RIMS2: variants seen among roughly 807,000 people sequenced by gnomAD.
RIMS2 encodes regulating synaptic membrane exocytosis protein 2.
A neutral mutation model predicts 174.4 loss-of-function variants in RIMS2; 59 were observed. The observed-to-expected ratio is 0.34, with a 90% CI of 0.27 to 0.42. The LOEUF (loss-of-function observed/expected upper bound fraction) is 0.42, where lower values mean the gene tolerates loss of function less well. Ranked by LOEUF, RIMS2 falls within the 10% of genes least tolerant of loss-of-function variation. RIMS2 has a pLI of 1.00. For synonymous variants in RIMS2, 606 were observed against 572.5 expected (o/e 1.06, Z -0.84); for missense variants, 1,620 against 1,666.3 (o/e 0.97, Z 0.48).
At chr8:103,608,964 C>T (rs6990739) in intron 1 of RIMS2, among the ~76,000 whole-genome samples, 26,757 of 152,182 alleles carry the variant, frequency 0.18, 2,553 homozygotes, top group African/African-American at 0.23. Context: ...GCGTTGCTCA[C>T]GCTGGGAGCT....
chr8:103,782,028 A>C, intron 3 of RIMS2, among the ~76,000 whole-genome samples: 1 of 151,614 alleles, frequency 6.6e-6, no homozygotes, highest in South Asian at 2.1e-4. Flanking sequence ...GATTAAAAGC[A>C]TGAGCCACCA....
Position 103,608,285 on chromosome 8 carries a change from G to T in RIMS2, c.177-88801G>T, listed in dbSNP as rs530966946. On this transcript the variant is annotated intron_variant, in intron 1 of 23. Coordinates refer to ENST00000504942, the Ensembl canonical transcript of RIMS2. The stretch of plus-strand genomic sequence containing the variant: ...GTGAGGTGTCAATCTGCCCCTGCTG[G>T]GGGGTGCCTCCCAGTTAGGCTGCTC... Among the ~76,000 whole-genome samples the T allele has an allele frequency of 1.0e-4, 15 of 143,492 alleles. No homozygotes were observed. In the East Asian group the frequency reaches 2.7e-3, roughly 26 times the overall value. The allele number at this position is 143,492 out of a possible 152,430, so 94.1% of individuals were successfully genotyped here.
At chr8:104,072,201 T>TA (rs1385132912) in intron 19 of RIMS2, among the ~76,000 whole-genome samples, 1 of 152,192 alleles carries the variant, frequency 6.6e-6, no homozygotes, top group Non-Finnish European at 1.5e-5. Context: ...AAGAGAAAGT[T>TA]ACAGAGGAAT....
chr8:103,630,186 G>T (rs2095877471), intron 1 of RIMS2, among the ~76,000 whole-genome samples: 1 of 151,204 alleles, frequency 6.6e-6, no homozygotes, highest in South Asian at 2.1e-4. Context: ...AGAAAGAAAT[G>T]ATGCCTAACA....
chr8:103,843,785 T>TAA (rs898695960), intron 3 of RIMS2, among the ~76,000 whole-genome samples: 14 of 152,240 alleles, frequency 9.2e-5, no homozygotes, highest in African/African-American at 3.4e-4. Flanking sequence ...TTGTCTTTTT[T>TAA]ATCGTCTTTT....
At chr8:104,115,507 A>ATT (rs927243993) in intron 19 of RIMS2, among the ~76,000 whole-genome samples, 8 of 152,282 alleles carry the variant, frequency 5.3e-5, no homozygotes, top group African/African-American at 1.7e-4. Context: ...ACTGACTAGA[A>ATT]TTTTTATTAA....
chr8:103,749,429 A>G (rs2097859164), intron 2 of RIMS2, among the ~76,000 whole-genome samples: 1 of 152,154 alleles, frequency 6.6e-6, no homozygotes, highest in African/African-American at 2.4e-5. Flanking sequence ...ATTTTAAGAA[A>G]AACTAAACTC....
intron 19 of RIMS2, among the ~76,000 whole-genome samples, chr8:104,235,696 C>A (rs568925093): frequency 1.3e-5 from 2 of 151,926 alleles, no homozygotes; most frequent in Non-Finnish European, 2.9e-5. Flanking sequence ...ACCACATACA[C>A]GTGGTATGTA....
At chr8:103,525,416 A>C (rs1037659488) in intron 1 of RIMS2, among the ~76,000 whole-genome samples, 5 of 152,198 alleles carry the variant, frequency 3.3e-5, no homozygotes, top group Non-Finnish European at 7.3e-5. Flanking sequence ...GCAGAAACTA[A>C]TGGATGGCCT....
At chr8:104,157,246 A>T (rs532528632) in intron 19 of RIMS2, among the ~76,000 whole-genome samples, 3 of 152,350 alleles carry the variant, frequency 2.0e-5, no homozygotes, top group Middle Eastern at 3.4e-3. Context: ...GTGTTAAGGT[A>T]CTTATATAGC....
At chr8:103,645,652 A>G (rs1370886174) in intron 1 of RIMS2, among the ~76,000 whole-genome samples, 2 of 152,148 alleles carry the variant, frequency 1.3e-5, no homozygotes, top group Non-Finnish European at 2.9e-5. Context: ...ACCAAATTTC[A>G]GAGGCCTTTA....
chr8:103,733,711 C>T (rs576177855), intron 2 of RIMS2, among the ~76,000 whole-genome samples: 17 of 152,238 alleles, frequency 1.1e-4, no homozygotes, highest in African/African-American at 3.1e-4. Context: ...TGAGTTCCAA[C>T]GCTAAGTCGC....
At chr8:104,076,783 A>C (rs1345278354) in intron 19 of RIMS2, among the ~76,000 whole-genome samples, 1 of 151,474 alleles carries the variant, frequency 6.6e-6, no homozygotes, top group Non-Finnish European at 1.5e-5. Context: ...AAGGTGTGTT[A>C]ATAATAGTAC....
intron 1 of RIMS2, among the ~76,000 whole-genome samples, chr8:103,643,757 G>A (rs2096273788): frequency 6.8e-6 from 1 of 146,444 alleles, no homozygotes; most frequent in Non-Finnish European, 1.5e-5. Context: ...AGTGTAGAGG[G>A]AGGAGAGGCA....
intron 1 of RIMS2, among the ~76,000 whole-genome samples, chr8:103,528,047 C>T (rs896007892): frequency 6.6e-6 from 1 of 152,202 alleles, no homozygotes; most frequent in African/African-American, 2.4e-5. Flanking sequence ...TCCTCTCCAG[C>T]ACCTGTTGTT....
chr8:103,867,098 G>A lies in RIMS2; in HGVS notation c.699-18200G>A, dbSNP rs904125363. 1.1e-4 allele frequency among the ~76,000 whole-genome samples: 17 copies of A among 151,674 alleles called. 1 individual carries two copies. The highest frequency in any genetic ancestry group is 6.6e-5 in the Admixed American group (1 of 15,216). On this transcript the variant is annotated intron_variant, in intron 3 of 23. Transcript: ENST00000504942. ...AAATTTGAAATTATGATTAAAATAA[G>A]TTTTTACTTAACTAAACTTTAAAAT...
intron 19 of RIMS2, among the ~76,000 whole-genome samples, chr8:104,154,901 A>G (rs2098711909): frequency 6.6e-6 from 1 of 152,092 alleles, no homozygotes; most frequent in Non-Finnish European, 1.5e-5. Context: ...TGAAAGGGCC[A>G]TGAATTCCAT....
intron 2 of RIMS2, among the ~76,000 whole-genome samples, chr8:103,724,031 G>A (rs541756455): frequency 1.3e-5 from 2 of 152,072 alleles, no homozygotes; most frequent in African/African-American, 2.4e-5. Flanking sequence ...CTGAAGTCAG[G>A]TGCTTACTTC....
chr8:104,043,362 GGT>G (rs1459902937), intron 19 of RIMS2, among the ~76,000 whole-genome samples: 1 of 151,528 alleles, frequency 6.6e-6, no homozygotes, highest in Non-Finnish European at 1.5e-5. Flanking sequence ...TGATGGCATT[GGT>G]TCTCTAAGAT....
Sources: gnomAD v4.1 joint callset for allele counts (sites outside exome capture counted in the v4.1 genomes callset) on GRCh38, gnomAD v4.1.1 for gene constraint, MANE v1.5 for transcripts, NCBI Gene and HGNC (gene_info 2026-07-23, HGNC 2026-07-21) for gene names.